Variants in GALNT14 observed in about 807,000 individuals in gnomAD.
The protein encoded by GALNT14 is UDP-GalNAc:polypeptide N-acetylgalactosaminyltransferase 14.
In GALNT14, 60 loss-of-function variants were observed where a neutral mutation model predicts 77.5. That is an observed-to-expected ratio of 0.77 (90% CI 0.63 to 0.96). GALNT14 has a LOEUF of 0.96. GALNT14 is among the 40% of genes least tolerant of loss of function. GALNT14 has a pLI of 0.00. For synonymous variants in GALNT14, 280 were observed against 281.7 expected (o/e 0.99, Z 0.06); for missense variants, 710 against 731.0 (o/e 0.97, Z 0.33).
At chr2:30,946,945 T>C (rs1251815458) in intron 6 of GALNT14, among the ~76,000 whole-genome samples, 1 of 152,158 alleles carries the variant, frequency 6.6e-6, no homozygotes. Flanking sequence ...GACTTCACTG[T>C]CTTCTCCCCA....
intron 1 of GALNT14, among the ~76,000 whole-genome samples, chr2:31,115,742 A>T (rs1678072861): frequency 6.6e-6 from 1 of 152,222 alleles, no homozygotes; most frequent in Non-Finnish European, 1.5e-5. Flanking sequence ...AGGAAGAAAA[A>T]GTACTCATAA....
At chr2:31,071,054 G>A (rs1358328358) in intron 1 of GALNT14, among the ~76,000 whole-genome samples, 1 of 152,158 alleles carries the variant, frequency 6.6e-6, no homozygotes, top group Non-Finnish European at 1.5e-5. Flanking sequence ...AAGCTGTGAG[G>A]ATACAAAGGC....
chr2:31,071,891 A>C (rs948276209), intron 1 of GALNT14, among the ~76,000 whole-genome samples: 10 of 152,338 alleles, frequency 6.6e-5, no homozygotes, highest in African/African-American at 2.2e-4. Flanking sequence ...GCATGAAACC[A>C]AGAGCAGGCC....
At chr2:30,993,058 A>G in intron 1 of GALNT14, 51 bp from the exon 2 acceptor site, 1 of 1,588,920 alleles carries the variant, frequency 6.3e-7, no homozygotes, top group South Asian at 1.1e-5. Context: ...GTCCTCCACT[A>G]GCCCCCGTCT....
At chr2:31,097,095 G>A (rs974986592) in intron 1 of GALNT14, among the ~76,000 whole-genome samples, 4 of 152,052 alleles carry the variant, frequency 2.6e-5, no homozygotes, top group African/African-American at 9.7e-5. Flanking sequence ...AGTAGCCAGT[G>A]GTCTCAAGGC....
chr2:31,001,412 G>A (rs965922351), intron 1 of GALNT14, among the ~76,000 whole-genome samples: 1 of 152,202 alleles, frequency 6.6e-6, no homozygotes, highest in Non-Finnish European at 1.5e-5. Flanking sequence ...GCTGCCCTCA[G>A]GGTAAAGGTC....
chr2:31,062,109 A>G (rs192704207), intron 1 of GALNT14, among the ~76,000 whole-genome samples: 354 of 152,314 alleles, frequency 2.3e-3, no homozygotes, highest in African/African-American at 7.7e-3. Context: ...AGTTTGTTAC[A>G]TAGGTATACA....
the GALNT14 span, among the ~76,000 whole-genome samples, chr2:30,893,312 T>C: frequency 1.3e-5 from 2 of 152,254 alleles, no homozygotes; most frequent in East Asian, 1.9e-4. Context: ...CTTGAGATTA[T>C]GGAAAGTGTT....
chr2:31,039,661 G>A (rs1672981580), intron 1 of GALNT14, among the ~76,000 whole-genome samples: 1 of 150,372 alleles, frequency 6.7e-6, no homozygotes, highest in South Asian at 2.1e-4. Flanking sequence ...TATGAAGGGA[G>A]AAGAATCCAT....
intron 1 of GALNT14, among the ~76,000 whole-genome samples, chr2:31,062,921 T>G (rs1674695383): frequency 6.6e-6 from 1 of 152,228 alleles, no homozygotes; most frequent in Non-Finnish European, 1.5e-5. Context: ...TTGGTTTTAC[T>G]CTTGTAAATT....
Position 30,910,743 on chromosome 2 carries a change from C to A in GALNT14, c.*158G>T, listed in dbSNP as rs1664305863. On this transcript the variant is annotated 3_prime_UTR_variant, in exon 15 of 15. Transcript: ENST00000349752. ...ATTGGCTTGTGATGTTTTCCTCTGTCCTCCCTGAGACAGTTGCTCCTGTCC... is the reference window on the plus strand; with the variant it reads ...ATTGGCTTGTGATGTTTTCCTCTGTACTCCCTGAGACAGTTGCTCCTGTCC... 1 of 685,350 alleles carries A rather than the reference C, an allele frequency of 1.5e-6. No individual in the cohort carries two copies. The highest frequency in any genetic ancestry group is 2.4e-6 in the Non-Finnish European group (1 of 419,988). The allele number at this position is 685,350 out of a possible 1,614,324, so 42.5% of individuals were successfully genotyped here. A position where few individuals can be genotyped will look rare whatever the true frequency, so the allele number is the denominator to read the frequency against.
intron 1 of GALNT14, among the ~76,000 whole-genome samples, chr2:31,048,393 G>C (rs941491176): frequency 2.0e-5 from 3 of 152,190 alleles, no homozygotes. Context: ...GCCTGATCAG[G>C]TAGTTCAGCA....
In GALNT14 at chr2:31,057,374, GTATATA is replaced by G. The variant is rs201931090; in HGVS notation, c.130-64373_130-64368del. On this transcript the variant is annotated intron_variant, in intron 1 of 14. Transcript: ENST00000349752. The stretch of plus-strand genomic sequence containing the variant: ...TGTGTGTGTGTGTGTGTGTGTGTGT[GTATATA>G]TATATATATATATACACAGCTGTTG... Among the ~76,000 whole-genome samples the G allele has an allele frequency of 2.5e-3, 63 of 25,526 alleles. 1 individual carries two copies. The highest frequency in any genetic ancestry group is 0.01 in the East Asian group (5 of 498). 16.7% of individuals were successfully genotyped at this position (25,526 alleles called of 152,430 possible).
chr2:30,939,207 G>A (rs1666232605), intron 9 of GALNT14, among the ~76,000 whole-genome samples: 1 of 152,190 alleles, frequency 6.6e-6, no homozygotes, highest in Admixed American at 6.5e-5. Context: ...ACACATACAA[G>A]GGCTCAGTGC....
At chr2:30,955,799 C>A in intron 5 of GALNT14, 60 bp from the exon 6 acceptor site, 1 of 1,609,744 alleles carries the variant, frequency 6.2e-7, no homozygotes, top group Non-Finnish European at 8.5e-7. Flanking sequence ...CCAGCGAGAC[C>A]AGGGAGAAGC....
chr2:31,069,563 C>T (rs570660313), intron 1 of GALNT14, among the ~76,000 whole-genome samples: 3 of 152,040 alleles, frequency 2.0e-5, no homozygotes, highest in Admixed American at 2.0e-4. Context: ...CCCTGAGTGC[C>T]GGCACCCTGG....
At chr2:30,960,636 G>A (rs1667638665) in intron 3 of GALNT14, among the ~76,000 whole-genome samples, 1 of 152,088 alleles carries the variant, frequency 6.6e-6, no homozygotes, top group Non-Finnish European at 1.5e-5. Flanking sequence ...GCCTGAGGTG[G>A]GCACGTGCTC....
intron 1 of GALNT14, among the ~76,000 whole-genome samples, chr2:31,097,910 C>T (rs1677080795): frequency 6.6e-6 from 1 of 152,146 alleles, no homozygotes; most frequent in Admixed American, 6.6e-5. Context: ...GTACCTTCTA[C>T]CCAGGCTGGA....
intron 1 of GALNT14, among the ~76,000 whole-genome samples, chr2:31,100,615 C>G (rs1677222511): frequency 6.6e-6 from 1 of 151,706 alleles, no homozygotes; most frequent in Admixed American, 6.6e-5. Flanking sequence ...TAGCATAGAT[C>G]CTTGTTCTTT....
Sources: gnomAD v4.1 joint callset for allele counts (sites outside exome capture counted in the v4.1 genomes callset) on GRCh38, gnomAD v4.1.1 for gene constraint, MANE v1.5 for transcripts, NCBI Gene and HGNC (gene_info 2026-07-23, HGNC 2026-07-21) for gene names.